The following ADAMTS2 variants were observed in gnomAD, a reference collection of about 807,000 sequenced individuals.
ADAMTS2 encodes the protein A disintegrin and metalloproteinase with thrombospondin motifs 2.
Under a neutral mutation model 123.0 loss-of-function variants are expected in ADAMTS2, and 50 were observed. The observed-to-expected ratio is 0.41, with a 90% CI of 0.32 to 0.51. The LOEUF (loss-of-function observed/expected upper bound fraction) is 0.51. Among genes scored for constraint, ADAMTS2 ranks in the 20% least tolerant of loss-of-function variants. The pLI is 0.35. For missense variants in ADAMTS2, 1,494 were observed against 1,705.2 expected (o/e 0.88, Z 2.18); for synonymous variants, 678 against 695.4 (o/e 0.98, Z 0.39).
At chr5:179,286,025 G>C (rs1204283117) in intron 2 of ADAMTS2, among the ~76,000 whole-genome samples, 1 of 151,882 alleles carries the variant, frequency 6.6e-6, no homozygotes, top group Non-Finnish European at 1.5e-5. Flanking sequence ...ACCATCCTGG[G>C]CAACATGGTG....
chr5:179,323,869 A>G (rs1335148207), intron 2 of ADAMTS2, among the ~76,000 whole-genome samples: 1 of 152,264 alleles, frequency 6.6e-6, no homozygotes, highest in Non-Finnish European at 1.5e-5. Flanking sequence ...ATTATTCACA[A>G]GAGCTAAAGG....
Position 179,181,623 on chromosome 5 carries a change from C to A in ADAMTS2, c.892-468G>T, listed in dbSNP as rs1314411645. On this transcript the variant is annotated intron_variant, in intron 4 of 21. Transcript: ENST00000251582. This position sits in a 1 kb window ranked among gnomAD's most constrained non-coding sequence, Gnocchi z 4.1. Reference sequence around the variant, plus strand: ...CTGCATCGCTACTTGGAAATGGGGGCGGTTCTAGGCCCACCACCAGGTATA... The same window carrying A: ...CTGCATCGCTACTTGGAAATGGGGGAGGTTCTAGGCCCACCACCAGGTATA... 6.6e-6 allele frequency among the ~76,000 whole-genome samples: 1 copy of A among 152,058 alleles called. No individual in the cohort carries two copies. The highest frequency in any genetic ancestry group is 1.5e-5 in the Non-Finnish European group (1 of 68,014).
intron 3 of ADAMTS2, among the ~76,000 whole-genome samples, chr5:179,268,241 T>C (rs533343966): frequency 3.9e-4 from 60 of 152,386 alleles, no homozygotes; most frequent in African/African-American, 1.2e-3. Flanking sequence ...AGGCCAGGGC[T>C]GGACACCACG....
At chr5:179,329,466 A>C (rs1280955947) in intron 2 of ADAMTS2, among the ~76,000 whole-genome samples, 2 of 152,236 alleles carry the variant, frequency 1.3e-5, no homozygotes, top group Non-Finnish European at 2.9e-5. Flanking sequence ...GTGTTGAGAC[A>C]ACAGCATGGC....
rs1015562754 is a variant in ADAMTS2 at position 179,256,923 on chromosome 5, C to A, written c.688+15988G>T. Among the ~76,000 whole-genome samples the A allele has an allele frequency of 6.6e-6, 1 of 152,258 alleles. No homozygotes were observed. Among genetic ancestry groups the A allele is most frequent in the Non-Finnish European group, 1.5e-5 (1 of 68,046 alleles). On this transcript the variant is annotated intron_variant, in intron 3 of 21. Transcript: ENST00000251582. This position sits in a 1 kb window ranked among gnomAD's most constrained non-coding sequence, Gnocchi z 4.1. The stretch of plus-strand genomic sequence containing the variant: ...GAGGCCTGGCTTTAGTCCAGCACCC[C>A]GATGTACATACAGACGAGAAGACTG...
intron 2 of ADAMTS2, among the ~76,000 whole-genome samples, chr5:179,289,729 A>G (rs546072992): frequency 2.0e-5 from 3 of 152,234 alleles, no homozygotes; most frequent in South Asian, 2.1e-4. Context: ...GAAGAAGGGC[A>G]TCACTGACAA....
intron 3 of ADAMTS2, among the ~76,000 whole-genome samples, chr5:179,209,548 GTA>G (rs1491017187): frequency 1.8e-5 from 2 of 114,146 alleles, no homozygotes; most frequent in African/African-American, 3.5e-5. Flanking sequence ...GCACACACAT[GTA>G]CACACACACA....
intron 2 of ADAMTS2, chr5:179,341,432 G>C: frequency 3.3e-6 from 1 of 306,444 alleles, no homozygotes; most frequent in South Asian, 2.7e-5. Context: ...TGGGCGCAGT[G>C]GCTCATGCCT....
chr5:179,209,801 G>A (rs964501812), intron 3 of ADAMTS2, among the ~76,000 whole-genome samples: 1 of 152,170 alleles, frequency 6.6e-6, no homozygotes, highest in Admixed American at 6.5e-5. Flanking sequence ...CTCTATTTTT[G>A]TACATTTATT....
chr5:179,161,407 G>T (rs904389386), intron 5 of ADAMTS2, among the ~76,000 whole-genome samples: 4 of 152,204 alleles, frequency 2.6e-5, no homozygotes, highest in African/African-American at 9.7e-5. Context: ...ATATGGATGA[G>T]CCTGGGGGAC....
chr5:179,204,805 CCGCCGGTCTCCCA>C (rs1764640626), intron 4 of ADAMTS2, among the ~76,000 whole-genome samples: 1 of 152,200 alleles, frequency 6.6e-6, no homozygotes, highest in Non-Finnish European at 1.5e-5. Context: ...TGACCCTCCG[CCGCCGGTCTCCCA>C]CGCCCCGGGA....
At position 179,301,674 on chromosome 5, in the gene ADAMTS2, C is replaced by G. The variant is rs549081106; in HGVS notation, c.535-28610G>C. Among the ~76,000 whole-genome samples, 3 of 152,388 alleles carry G rather than the reference C, an allele frequency of 2.0e-5. No homozygotes were observed. The East Asian group carries it at 5.8e-4, about 29-fold the overall frequency. On this transcript the variant is annotated intron_variant, in intron 2 of 21. Transcript: ENST00000251582. ...GTAACTGGGGGAGAGAAGTGGGTTT[C>G]AAGCATCTCCTTTGTGAACCACTGG... is the stretch of plus-strand genomic sequence containing the variant.
At position 179,128,136 on chromosome 5, in the gene ADAMTS2, C is replaced by T; in HGVS notation, c.2458-18G>A. 4 of 1,612,022 alleles carry T rather than the reference C, an allele frequency of 2.5e-6. No individual in the cohort carries two copies. The highest frequency in any genetic ancestry group is 3.4e-6 in the Non-Finnish European group (4 of 1,179,926). ...GGGATGACCTGTGCCAGCCCAAGAG[C>T]CTTGATGTGCCTGACCTGCCCTCCA... On this transcript the variant is annotated intron_variant, in intron 16 of 21. Transcript: ENST00000251582. This position sits in a 1 kb window ranked among gnomAD's most constrained non-coding sequence, Gnocchi z 4.9.
At chr5:179,257,949 T>A (rs1269475081) in intron 3 of ADAMTS2, among the ~76,000 whole-genome samples, 1 of 152,186 alleles carries the variant, frequency 6.6e-6, no homozygotes, top group Admixed American at 6.5e-5. Flanking sequence ...TTGGAGGCCC[T>A]CCTGCTGCTG....
intron 2 of ADAMTS2, among the ~76,000 whole-genome samples, chr5:179,326,563 G>T (rs1021783202): frequency 3.5e-5 from 5 of 142,778 alleles, no homozygotes; most frequent in Non-Finnish European, 7.5e-5. Flanking sequence ...ACCTGGCTCC[G>T]TGTGTCCAAG....
rs1419097234 is a variant in ADAMTS2, at chr5:179,126,003, C to G, written c.2745G>C (p.Gln915His). The G allele has an allele frequency of 1.2e-6, 2 of 1,613,460 alleles. No individual in the cohort carries two copies. Among genetic ancestry groups the G allele is most frequent in the East Asian group, 4.5e-5 (2 of 44,880 alleles). Residue 915 changes from glutamine to histidine, a missense_variant, in exon 18 of 22, where the codon CAG (glutamine) becomes CAC (histidine). By Grantham distance (24) the Gln-to-His change is conservative. This residue lies in a region of ADAMTS2 where 953 missense variants were observed against 1,124.7 expected (regional missense o/e 0.85). Transcript: ENST00000251582. ...RRACNPQECS[Q>H]PVWVTGEWEP... The stretch of plus-strand genomic sequence containing the variant: ...CCCGAGCTGGGGGCACTCACACTGG[C>G]TGGGAGCATTCCTGTGGGTTGCACG...
chr5:179,206,376 G>T (rs1450436003), intron 4 of ADAMTS2, among the ~76,000 whole-genome samples: 3 of 152,152 alleles, frequency 2.0e-5, no homozygotes, highest in African/African-American at 7.2e-5. Flanking sequence ...GGTCCGAAAA[G>T]CAGAGCTGGG....
chr5:179,316,856 C>T (rs1757013996), intron 2 of ADAMTS2, among the ~76,000 whole-genome samples: 2 of 152,126 alleles, frequency 1.3e-5, no homozygotes, highest in South Asian at 2.1e-4. Flanking sequence ...GCAGGAGGAT[C>T]CCATGAACCA....
rs1415712097 is a variant in ADAMTS2, at chr5:179,210,733, TG to T, written c.689-3019del. On this transcript the variant is annotated intron_variant, in intron 3 of 21. Coordinates refer to ENST00000251582, the MANE Select transcript of ADAMTS2 (RefSeq NM_014244.5). ...GGGGGATCTGCAATGCCCTCAGACC[TG>T]GGGCAACAGGAGCTCTGGCCCAGCC... 2.0e-5 allele frequency among the ~76,000 whole-genome samples: 3 copies of T among 152,330 alleles called. 1 individual carries two copies. Among genetic ancestry groups the T allele is most frequent in the African/African-American group, 7.2e-5 (3 of 41,582 alleles).
Sources: gnomAD v4.1 joint callset for allele counts (sites outside exome capture counted in the v4.1 genomes callset) on GRCh38, gnomAD v4.1.1 for gene constraint, gnomAD v4.1.1 regional missense constraint, Gnocchi (gnomAD v3.1) non-coding constraint, MANE v1.5 for transcripts, NCBI Gene and HGNC (gene_info 2026-07-23, HGNC 2026-07-21) for gene names.